THSD4: variants seen among roughly 807,000 people sequenced by gnomAD.
The protein encoded by THSD4 is thrombospondin type-1 domain-containing protein 4.
A neutral mutation model predicts 119.0 loss-of-function variants in THSD4; 69 were observed. That is an observed-to-expected ratio of 0.58 (90% CI 0.48 to 0.71). The LOEUF (loss-of-function observed/expected upper bound fraction) is 0.71. Among genes scored for constraint, THSD4 ranks in the 30% least tolerant of loss-of-function variants. The probability of loss-of-function intolerance (pLI) is 0.00; values close to 1 mark genes in which losing one functional copy is unlikely to be tolerated. For synonymous variants in THSD4, 524 were observed against 540.4 expected (o/e 0.97, Z 0.42); for missense variants, 1,393 against 1,391.1 (o/e 1.00, Z -0.02).
intron 6 of THSD4, among the ~76,000 whole-genome samples, chr15:71,408,928 G>A (rs1346874595): frequency 6.6e-6 from 1 of 152,172 alleles, no homozygotes; most frequent in Non-Finnish European, 1.5e-5. Flanking sequence ...AATTTTATGA[G>A]AAGAACTAGG....
At chr15:71,627,866 T>A (rs1422614606) in intron 7 of THSD4, among the ~76,000 whole-genome samples, 1 of 152,210 alleles carries the variant, frequency 6.6e-6, no homozygotes, top group Non-Finnish European at 1.5e-5. Context: ...GTTTTCACAA[T>A]GAACAGGAAC....
intron 7 of THSD4, among the ~76,000 whole-genome samples, chr15:71,563,445 A>G (rs1223003752): frequency 1.3e-5 from 2 of 152,208 alleles, no homozygotes; most frequent in Non-Finnish European, 1.5e-5. Flanking sequence ...AACTACGTGT[A>G]AGCACTTCGG....
chr15:71,419,162 A>G lies in THSD4; in HGVS notation c.1152+7339A>G, dbSNP rs1208171480. Among the ~76,000 whole-genome samples, 2 of 103,622 alleles carry G rather than the reference A, an allele frequency of 1.9e-5. 1 individual carries two copies. The highest frequency in any genetic ancestry group is 4.2e-5 in the Non-Finnish European group (2 of 47,656). 68.0% of individuals were successfully genotyped at this position (103,622 alleles called of 152,430 possible). A position where few individuals can be genotyped will look rare whatever the true frequency, so the allele number is the denominator to read the frequency against. ...TGTTTTCTTCATTTCAATTTCATTT[A>G]TTTCTGCTCTGATCTTTATTATTTC... On this transcript the variant is annotated intron_variant, in intron 7 of 17. Coordinates refer to ENST00000261862, the MANE Select transcript of THSD4 (RefSeq NM_024817.3).
chr15:71,568,089 C>T (rs527530151), intron 7 of THSD4, among the ~76,000 whole-genome samples: 30 of 152,196 alleles, frequency 2.0e-4, no homozygotes, highest in African/African-American at 6.7e-4. Context: ...AAGCCAATTA[C>T]ACACCAAAAA....
intron 4 of THSD4, among the ~76,000 whole-genome samples, chr15:71,229,904 G>A (rs1451562171): frequency 6.6e-6 from 1 of 152,204 alleles, no homozygotes; most frequent in African/African-American, 2.4e-5. Flanking sequence ...CATAGGCAGT[G>A]ATATAGAAAT....
At chr15:71,475,267 T>C (rs2047640457) in intron 7 of THSD4, among the ~76,000 whole-genome samples, 1 of 152,240 alleles carries the variant, frequency 6.6e-6, no homozygotes, top group South Asian at 2.1e-4. Flanking sequence ...TGTGAGTTTA[T>C]TAGAGGAATA....
chr15:71,775,954 A>G (rs2053905386), intron 17 of THSD4, among the ~76,000 whole-genome samples: 2 of 152,204 alleles, frequency 1.3e-5, no homozygotes, highest in African/African-American at 4.8e-5. Flanking sequence ...CTGTGGGGAA[A>G]AGATGAACAA....
At chr15:71,123,667 A>G (rs569061481) in intron 1 of THSD4, among the ~76,000 whole-genome samples, 1 of 152,342 alleles carries the variant, frequency 6.6e-6, no homozygotes, top group Admixed American at 6.5e-5. Flanking sequence ...GGACCCAGAC[A>G]GGCATCAGAT....
chr15:71,749,364 G>T (rs6494963), intron 14 of THSD4, among the ~76,000 whole-genome samples: 1 of 152,206 alleles, frequency 6.6e-6, no homozygotes, highest in Non-Finnish European at 1.5e-5. Context: ...TTCCTGGTGG[G>T]ATCGGCGCAT....
chr15:71,732,954 G>A (rs1232431163), intron 10 of THSD4: 1 of 152,212 alleles, frequency 6.6e-6, no homozygotes, highest in Non-Finnish European at 1.5e-5. Context: ...CATGGGGTGG[G>A]TGTGTTGTCC....
chr15:71,258,110 A>C (rs2044341437), intron 6 of THSD4, among the ~76,000 whole-genome samples: 1 of 152,114 alleles, frequency 6.6e-6, no homozygotes, highest in African/African-American at 2.4e-5. Flanking sequence ...AATAGGCATA[A>C]ATTGTATAGT....
intron 7 of THSD4, among the ~76,000 whole-genome samples, chr15:71,652,862 A>G (rs994406182): frequency 1.3e-5 from 2 of 152,144 alleles, no homozygotes; most frequent in African/African-American, 4.8e-5. Flanking sequence ...GCCATGGACC[A>G]TTTCTTCTCT....
At chr15:71,115,133 G>C (rs1433423484), upstream of THSD4, 1 of 152,466 alleles carries the variant, frequency 6.6e-6, no homozygotes, top group Non-Finnish European at 1.5e-5. The surrounding 1 kb of genome is among the most constrained non-coding windows in gnomAD (Gnocchi z 4.4). Flanking sequence ...ACAGACCTCA[G>C]GATAAGATGA....
chr15:71,205,765 G>A (rs1366252443), intron 3 of THSD4, among the ~76,000 whole-genome samples: 1 of 151,974 alleles, frequency 6.6e-6, no homozygotes, highest in African/African-American at 2.4e-5. Context: ...TCATGTCAGA[G>A]TCTAGATAGT....
At chr15:71,586,806 T>TCTGC (rs1489986888) in intron 7 of THSD4, among the ~76,000 whole-genome samples, 1 of 152,180 alleles carries the variant, frequency 6.6e-6, no homozygotes, top group Non-Finnish European at 1.5e-5. Flanking sequence ...ATCTTAGAAT[T>TCTGC]CTGCCTACCA....
At chr15:71,129,332 G>A (rs1403896643) in intron 1 of THSD4, among the ~76,000 whole-genome samples, 1 of 152,206 alleles carries the variant, frequency 6.6e-6, no homozygotes, top group African/African-American at 2.4e-5. Flanking sequence ...AGAGTACACA[G>A]TTTGATAGTG....
At chr15:71,642,734 G>A (rs2050886475) in intron 7 of THSD4, among the ~76,000 whole-genome samples, 1 of 151,838 alleles carries the variant, frequency 6.6e-6, no homozygotes, top group Non-Finnish European at 1.5e-5. Context: ...CTCACTCATA[G>A]GTGGGAATTG....
intron 3 of THSD4, among the ~76,000 whole-genome samples, chr15:71,160,796 G>A (rs1371670718): frequency 7.2e-6 from 1 of 139,070 alleles, no homozygotes; most frequent in Non-Finnish European, 1.6e-5. Context: ...AGTATCTTTT[G>A]TTCATTTCTG....
At chr15:71,141,289 A>G (rs906685090) in intron 1 of THSD4, among the ~76,000 whole-genome samples, 160 bp from the exon 2 acceptor site, 10 of 152,234 alleles carry the variant, frequency 6.6e-5, no homozygotes, top group African/African-American at 2.4e-4. Context: ...CCTCATGTTC[A>G]TAAATAATCA....
Sources: allele counts gnomAD v4.1 joint callset (sites outside exome capture counted in the v4.1 genomes callset), GRCh38; gene constraint gnomAD v4.1.1; non-coding constraint Gnocchi (gnomAD v3.1); transcripts MANE v1.5; gene names NCBI Gene and HGNC (gene_info 2026-07-23, HGNC 2026-07-21).